CACNA2D2: variants seen among roughly 807,000 people sequenced by gnomAD.
CACNA2D2 encodes the protein calcium voltage-gated channel auxiliary subunit alpha2delta 2.
In CACNA2D2, 48 loss-of-function variants were observed where a neutral mutation model predicts 166.4. The ratio of observed to expected loss-of-function variants is 0.29; its 90% CI spans 0.23 to 0.37. CACNA2D2 has a LOEUF of 0.37. CACNA2D2 is among the 10% of genes least tolerant of loss of function. The probability of loss-of-function intolerance (pLI) is 1.00; values close to 1 mark genes in which losing one functional copy is unlikely to be tolerated. For missense variants in CACNA2D2, 1,122 were observed against 1,433.0 expected (o/e 0.78, Z 3.50); for synonymous variants, 561 against 573.7 (o/e 0.98, Z 0.32).
chr3:50,386,188 C>G (rs587744038), intron 5 of CACNA2D2, among the ~76,000 whole-genome samples: 2 of 152,166 alleles, frequency 1.3e-5, no homozygotes, highest in East Asian at 1.9e-4. Context: ...CTCTAGCCCC[C>G]CAACAGAAGT....
intron 3 of CACNA2D2, among the ~76,000 whole-genome samples, chr3:50,410,940 G>C (rs1303527180): frequency 6.6e-6 from 1 of 152,232 alleles, no homozygotes; most frequent in Admixed American, 6.5e-5. Flanking sequence ...GCACATCCAT[G>C]CTGCCAACAT....
intron 3 of CACNA2D2, among the ~76,000 whole-genome samples, chr3:50,425,404 G>A (rs945523408): frequency 6.6e-6 from 1 of 152,142 alleles, no homozygotes; most frequent in Admixed American, 6.5e-5. Context: ...ACCTCCTCCA[G>A]GCTGTCTTCT....
chr3:50,387,926 G>A (rs1427215885), intron 4 of CACNA2D2, among the ~76,000 whole-genome samples: 1 of 152,230 alleles, frequency 6.6e-6, no homozygotes, highest in African/African-American at 2.4e-5. Flanking sequence ...AGAGAGGCTG[G>A]CTGAGGCAGC....
At position 50,478,435 on chromosome 3, in the gene CACNA2D2, G is replaced by A. The variant is rs546378684; in HGVS notation, c.207-2236C>T. 5.3e-5 allele frequency among the ~76,000 whole-genome samples: 8 copies of A among 152,282 alleles called. No homozygotes were observed. The South Asian group carries it at 1.7e-3, about 32-fold the overall frequency. Reference sequence around the variant, plus strand: ...GCAGAGTGAGGATCTGATCCCCAAAGGGAACCATTAGCTCTGCCCTGGCCC... The same window carrying A: ...GCAGAGTGAGGATCTGATCCCCAAAAGGAACCATTAGCTCTGCCCTGGCCC... On this transcript the variant is annotated intron_variant, in intron 1 of 37. Coordinates refer to ENST00000424201, the MANE Select transcript of CACNA2D2 (RefSeq NM_006030.4).
intron 5 of CACNA2D2, among the ~76,000 whole-genome samples, chr3:50,386,257 C>G (rs1705600193): frequency 1.3e-5 from 2 of 152,134 alleles, no homozygotes; most frequent in African/African-American, 4.8e-5. Context: ...GCCCTGGATA[C>G]AGTTGAGGCT....
chr3:50,475,397 G>T (rs534380730), intron 2 of CACNA2D2, among the ~76,000 whole-genome samples: 2 of 152,014 alleles, frequency 1.3e-5, no homozygotes, highest in African/African-American at 4.8e-5. Context: ...CCAAGCCCCC[G>T]GCAACAAGAT....
rs1177190580 is a variant in CACNA2D2 at position 50,366,545 on chromosome 3, C to G, written c.2637+33G>C. 3 of 1,612,090 alleles carry G rather than the reference C, an allele frequency of 1.9e-6. No individual in the cohort carries two copies. Among genetic ancestry groups the G allele is most frequent in the South Asian group, 1.1e-5 (1 of 91,064 alleles). On this transcript the variant is annotated intron_variant, in intron 30 of 37. Transcript: ENST00000424201. The surrounding 1 kb of genome is among the most constrained non-coding windows in gnomAD (Gnocchi z 5.9). ...CTAGGAAGTCTGGAAGTGGGGTAAG[C>G]TAGGGTCCAGGGTAGGTTCAGGGCA...
intron 3 of CACNA2D2, among the ~76,000 whole-genome samples, chr3:50,422,357 G>T (rs1170068840): frequency 1.3e-5 from 2 of 152,158 alleles, no homozygotes; most frequent in Non-Finnish European, 2.9e-5. Context: ...GGTTGCCACA[G>T]GCTGTTCCCT....
rs771844125 is a variant in CACNA2D2 at position 50,380,000 on chromosome 3, C to G, written c.861G>C (p.Ser287=). 19 of 1,613,930 alleles carry G rather than the reference C, an allele frequency of 1.2e-5. No homozygotes were observed. The Admixed American group carries it at 2.0e-4, about 17-fold the overall frequency. ...RRRPWYIQGA[S]SPKDMVIIVD... ...CGATGATGACCATGTCTTTGGGTGA[C>G]GAGGCCCCCTGGATATACCTGCCCA... The change falls in exon 9 of 38, where the codon TCG becomes TCC. Residue 287 remains serine (S), a synonymous_variant. Coordinates refer to ENST00000424201, the MANE Select transcript of CACNA2D2 (RefSeq NM_006030.4). This position sits in a 1 kb window ranked among gnomAD's most constrained non-coding sequence, Gnocchi z 6.5.
chr3:50,503,072 T>C (rs1238143615), intron 1 of CACNA2D2, 146 bp downstream of exon 1: 6 of 362,008 alleles, frequency 1.7e-5, no homozygotes, highest in Non-Finnish European at 2.7e-5. Flanking sequence ...CCTTCGGGGC[T>C]TGGGGCCGTC....
rs1266951547 is a variant in CACNA2D2, at chr3:50,375,737, C to A, written c.1846-32G>T. On this transcript the variant is annotated intron_variant, in intron 20 of 37. Coordinates refer to ENST00000424201, the MANE Select transcript of CACNA2D2 (RefSeq NM_006030.4). This position sits in a 1 kb window ranked among gnomAD's most constrained non-coding sequence, Gnocchi z 4.0. ...GAGGAGGCTGGGTCAGGTACTTGGGCTAGCAGGCAGGGGGCGCTGGGGTAG... is the reference window on the plus strand; with the variant it reads ...GAGGAGGCTGGGTCAGGTACTTGGGATAGCAGGCAGGGGGCGCTGGGGTAG... 1 of 1,613,046 alleles carries A rather than the reference C, an allele frequency of 6.2e-7. No individual in the cohort carries two copies.
chr3:50,500,643 C>G (rs1306687309), intron 1 of CACNA2D2, among the ~76,000 whole-genome samples: 1 of 152,128 alleles, frequency 6.6e-6, no homozygotes, highest in East Asian at 1.9e-4. Context: ...GTCCCCCACA[C>G]CCAGCCGGAC....
intron 1 of CACNA2D2, among the ~76,000 whole-genome samples, chr3:50,501,792 T>C (rs1034165241): frequency 1.3e-5 from 2 of 152,176 alleles, no homozygotes; most frequent in African/African-American, 4.8e-5. Context: ...AGCACTATGA[T>C]TGAAGTCCAT....
intron 5 of CACNA2D2, among the ~76,000 whole-genome samples, chr3:50,386,087 T>C (rs1331177434): frequency 6.6e-6 from 1 of 150,740 alleles, no homozygotes; most frequent in Non-Finnish European, 1.5e-5. Context: ...AGTTGGAAAA[T>C]GTGTGCGTGC....
intron 3 of CACNA2D2, among the ~76,000 whole-genome samples, chr3:50,411,854 C>G (rs1707035219): frequency 6.6e-6 from 1 of 152,180 alleles, no homozygotes; most frequent in African/African-American, 2.4e-5. Flanking sequence ...GGCTCTGAGG[C>G]TTGGGGAGGA....
rs41295964 is a variant in CACNA2D2, at chr3:50,427,259, G to A, written c.405+7054C>T. On this transcript the variant is annotated intron_variant, in intron 3 of 37. Coordinates refer to ENST00000424201, the MANE Select transcript of CACNA2D2 (RefSeq NM_006030.4). The surrounding 1 kb of genome is among the most constrained non-coding windows in gnomAD (Gnocchi z 4.7). ...TATCTCCTTGCCAGCCAGCTCTTTGGCTGCCTCCCTCTGTAGGCGGAGGGC... is the reference window on the plus strand; with the variant it reads ...TATCTCCTTGCCAGCCAGCTCTTTGACTGCCTCCCTCTGTAGGCGGAGGGC... Among the ~76,000 whole-genome samples, 1,652 of 152,226 alleles carry A rather than the reference G, an allele frequency of 0.011. 24 individuals are homozygous for A. The highest frequency in any genetic ancestry group is 0.012 in the Non-Finnish European group (794 of 68,012).
intron 3 of CACNA2D2, among the ~76,000 whole-genome samples, chr3:50,411,846 C>G (rs1707034772): frequency 6.6e-6 from 1 of 152,216 alleles, no homozygotes; most frequent in East Asian, 1.9e-4. Flanking sequence ...ACGAATGGGG[C>G]TCTGAGGCTT....
intron 1 of CACNA2D2, among the ~76,000 whole-genome samples, chr3:50,480,893 A>G (rs1351264731): frequency 3.3e-5 from 1 of 30,720 alleles, no homozygotes. Flanking sequence ...AGGAAAGGGG[A>G]GGAAGGGGGA....
chr3:50,483,570 C>T (rs1162047442), intron 1 of CACNA2D2, among the ~76,000 whole-genome samples: 1 of 152,198 alleles, frequency 6.6e-6, no homozygotes, highest in Non-Finnish European at 1.5e-5. Context: ...AATTAGGGCA[C>T]CAGGTCCAGC....
Sources: gnomAD v4.1 joint callset for allele counts (sites outside exome capture counted in the v4.1 genomes callset) on GRCh38, gnomAD v4.1.1 for gene constraint, Gnocchi (gnomAD v3.1) non-coding constraint, MANE v1.5 for transcripts, NCBI Gene and HGNC (gene_info 2026-07-23, HGNC 2026-07-21) for gene names.